Variants in FAAH observed in about 807,000 individuals in gnomAD.
FAAH encodes fatty acid amide hydrolase, also known as fatty-acid amide hydrolase 1.
FAAH carries 63 observed loss-of-function variants against 69.7 expected under a neutral mutation model. The observed-to-expected ratio is 0.90, with a 90% CI of 0.74 to 1.12. The LOEUF is 1.12. FAAH is among the 50% of genes most tolerant of loss of function. The probability of loss-of-function intolerance (pLI) is 0.00; values close to 1 mark genes in which losing one functional copy is unlikely to be tolerated. For synonymous variants in FAAH, 305 were observed against 324.2 expected (o/e 0.94, Z 0.64); for missense variants, 680 against 755.0 (o/e 0.90, Z 1.16).
intron 1 of FAAH, among the ~76,000 whole-genome samples, chr1:46,396,667 T>A (rs1169426231): frequency 1.3e-5 from 2 of 152,206 alleles, no homozygotes; most frequent in Non-Finnish European, 2.9e-5. Flanking sequence ...CAGCCCTAAT[T>A]AAACCTTGAG....
At chr1:46,401,159 TA>T (rs539941972) in intron 1 of FAAH, among the ~76,000 whole-genome samples, 406 of 21,962 alleles carry the variant, frequency 0.018, 4 homozygotes, top group Middle Eastern at 0.18. Flanking sequence ...GTAGGGGGAT[TA>T]GGGGGAGGGG....
chr1:46,410,843 C>G lies in FAAH; in HGVS notation c.1305C>G (p.Asn435Lys). 6.2e-7 allele frequency: 1 copy of G among 1,614,224 alleles called. No individual in the cohort carries two copies. The highest frequency in any genetic ancestry group is 8.5e-7 in the Non-Finnish European group (1 of 1,180,036). ...CAAGGCTGTCAGCTTTCCTCAGCAA[C>G]ATGAAGTCTCGGTAAGGGTTCTTCT... The part of the protein sequence containing the change: ...LLPRLSAFLS[N>K]MKSRSAGKLW... The change falls in exon 11 of 15, where the codon AAC becomes AAG. Residue 435 changes from asparagine (N) to lysine (K), a missense_variant. Asn to Lys is a moderately conservative substitution (Grantham distance 94). Coordinates refer to ENST00000243167, the MANE Select transcript of FAAH (RefSeq NM_001441.3). This position sits in a 1 kb window ranked among gnomAD's most constrained non-coding sequence, Gnocchi z 4.9.
chr1:46,409,246 C>A (rs1204199001), intron 9 of FAAH, 48 bp downstream of exon 9: 1 of 1,445,328 alleles, frequency 6.9e-7, no homozygotes, highest in Non-Finnish European at 9.7e-7. Context: ...GACAAGTAGG[C>A]AGACCTGGGG....
In FAAH at chr1:46,410,583, G is replaced by T; in HGVS notation, c.1275+86G>T. 7.5e-7 allele frequency: 1 copy of T among 1,329,066 alleles called. No homozygotes were observed. Among genetic ancestry groups the T allele is most frequent in the South Asian group, 1.2e-5 (1 of 82,918 alleles). The allele number at this position is 1,329,066 out of a possible 1,614,324, so 82.3% of individuals were successfully genotyped here. A position where few individuals can be genotyped will look rare whatever the true frequency, so the allele number is the denominator to read the frequency against. Reference sequence around the variant, plus strand: ...GCATGATCCCCCATGGCCTCCCTCAGCCTCTCTTGGTTTGGGCAGGCATGG... The same window carrying T: ...GCATGATCCCCCATGGCCTCCCTCATCCTCTCTTGGTTTGGGCAGGCATGG... On this transcript the variant is annotated intron_variant, in intron 10 of 14. Transcript: ENST00000243167. This position sits in a 1 kb window ranked among gnomAD's most constrained non-coding sequence, Gnocchi z 4.9.
At chr1:46,402,520 C>CTT (rs202035068) in intron 2 of FAAH, among the ~76,000 whole-genome samples, 89 of 151,566 alleles carry the variant, frequency 5.9e-4, no homozygotes, top group African/African-American at 1.9e-3. Context: ...CTGTTCCCTT[C>CTT]TTTTTTTTTG....
At position 46,413,567 on chromosome 1, in the gene FAAH, T is replaced by C. The variant is rs1664956029; in HGVS notation, c.1732T>C (p.Ser578Pro). 1 of 1,613,914 alleles carries C rather than the reference T, an allele frequency of 6.2e-7. No homozygotes were observed. Among genetic ancestry groups the C allele is most frequent in the South Asian group, 1.1e-5 (1 of 91,084 alleles). ...GCGACTGATGACCCCTGAAAAGCAG[T>C]CATCCTGATGGCTCTGGCTCCAGAG... ...VERLMTPEKQ[S>P]S is the part of the protein sequence containing the mutation. The change falls in exon 15 of 15, where the codon TCA becomes CCA. Residue 578 changes from serine to proline, a missense_variant. Transcript: ENST00000243167.
intron 7 of FAAH, among the ~76,000 whole-genome samples, chr1:46,407,568 T>A (rs1050308681): frequency 6.6e-6 from 1 of 151,908 alleles, no homozygotes; most frequent in African/African-American, 2.4e-5. Flanking sequence ...CTCTCTTGAG[T>A]GTTCTGGTTG....
chr1:46,410,189 T>C lies in FAAH; in HGVS notation c.1176-209T>C, dbSNP rs1664885443. The stretch of plus-strand genomic sequence containing the variant: ...GGAGAGGGATACCCTGAGTCCTGCC[T>C]TGGGGAGCTCCCGTGGATGTGGGTT... On this transcript the variant is annotated intron_variant, in intron 9 of 14. Coordinates refer to ENST00000243167, the MANE Select transcript of FAAH (RefSeq NM_001441.3). This position sits in a 1 kb window ranked among gnomAD's most constrained non-coding sequence, Gnocchi z 4.9. The C allele has an allele frequency of 4.8e-6, 3 of 622,762 alleles. No individual in the cohort carries two copies. The highest frequency in any genetic ancestry group is 5.7e-5 in the East Asian group (2 of 35,270). The allele number at this position is 622,762 out of a possible 1,614,324, so 38.6% of individuals were successfully genotyped here. A position where few individuals can be genotyped will look rare whatever the true frequency, so the allele number is the denominator to read the frequency against.
rs762798256 is a variant in FAAH, at chr1:46,405,623, T to G, written c.614T>G (p.Val205Gly). The G allele has an allele frequency of 6.2e-7, 1 of 1,613,516 alleles. No individual in the cohort carries two copies. The highest frequency in any genetic ancestry group is 1.1e-5 in the South Asian group (1 of 91,084). The change falls in exon 5 of 15, where the codon GTG becomes GGG. Residue 205 changes from valine to glycine, a missense_variant. Val to Gly is a moderately radical substitution (Grantham distance 109, BLOSUM62 -3). Coordinates refer to ENST00000243167, the MANE Select transcript of FAAH (RefSeq NM_001441.3). The surrounding 1 kb of genome is among the most constrained non-coding windows in gnomAD (Gnocchi z 4.1). The stretch of plus-strand genomic sequence containing the variant: ...AGTAACCCCCTCTTTGGCCAGACCG[T>G]GAACCCATGGAAGTCCTCCAAAAGC... ...DCSNPLFGQT[V>G]NPWKSSKSPG...
In FAAH at chr1:46,410,366, G is replaced by A; in HGVS notation, c.1176-32G>A. On this transcript the variant is annotated intron_variant, in intron 9 of 14. Transcript: ENST00000243167. The surrounding 1 kb of genome is among the most constrained non-coding windows in gnomAD (Gnocchi z 4.9). ...GCAAGCTGGGAAGGATGTGGGGATGGGAGTGCCTGGACCGAGCATTTTGTT... is the reference window on the plus strand; with the variant it reads ...GCAAGCTGGGAAGGATGTGGGGATGAGAGTGCCTGGACCGAGCATTTTGTT... 6.4e-7 allele frequency: 1 copy of A among 1,566,878 alleles called. No individual in the cohort carries two copies. The highest frequency in any genetic ancestry group is 8.8e-7 in the Non-Finnish European group (1 of 1,136,956).
chr1:46,397,469 T>C (rs1664616243), intron 1 of FAAH, among the ~76,000 whole-genome samples: 1 of 152,144 alleles, frequency 6.6e-6, no homozygotes, highest in Non-Finnish European at 1.5e-5. Flanking sequence ...CCAGTGATTG[T>C]GGTTTTGAGT....
chr1:46,411,567 G>C lies in FAAH; in HGVS notation c.1317-45G>C. The C allele has an allele frequency of 6.2e-7, 1 of 1,611,408 alleles. No individual in the cohort carries two copies. Among genetic ancestry groups the C allele is most frequent in the Non-Finnish European group, 8.5e-7 (1 of 1,178,100 alleles). The stretch of plus-strand genomic sequence containing the variant: ...TAGGGGTCTGATGTTGCTGATCTCC[G>C]TGGCTGTGACCATCATGGCTGGTGA... On this transcript the variant is annotated intron_variant, in intron 11 of 14. Transcript: ENST00000243167. The surrounding 1 kb of genome is among the most constrained non-coding windows in gnomAD (Gnocchi z 4.8).
Position 46,410,971 on chromosome 1 carries a change from C to T in FAAH, c.1316+117C>T, listed in dbSNP as rs983571183. The T allele has an allele frequency of 3.4e-5, 45 of 1,323,854 alleles. 1 individual carries two copies. Among genetic ancestry groups the T allele is most frequent in the South Asian group, 1.7e-4 (14 of 83,420 alleles). The allele number at this position is 1,323,854 out of a possible 1,614,324, so 82.0% of individuals were successfully genotyped here. A position where few individuals can be genotyped will look rare whatever the true frequency, so the allele number is the denominator to read the frequency against. ...AAGTAGCCTCTGAGGCTGGAAGTGG[C>T]CCAGGCAGGGGGGCAACCTTTGTGG... On this transcript the variant is annotated intron_variant, in intron 11 of 14. Transcript: ENST00000243167. The surrounding 1 kb of genome is among the most constrained non-coding windows in gnomAD (Gnocchi z 4.9).
chr1:46,408,650 A>G (rs1052423786), intron 8 of FAAH, 66 bp downstream of exon 8: 12 of 1,610,198 alleles, frequency 7.5e-6, no homozygotes, highest in Non-Finnish European at 9.3e-6. Context: ...CCTGGTACCC[A>G]TGGCTACTCC....
In FAAH at chr1:46,410,306, C is replaced by T; in HGVS notation, c.1176-92C>T. ...GGTGAGGAGGAGGTGGACAGGATCCCTGCATAGAGAATGGGATTGCTGTGG... is the reference window on the plus strand; with the variant it reads ...GGTGAGGAGGAGGTGGACAGGATCCTTGCATAGAGAATGGGATTGCTGTGG... On this transcript the variant is annotated intron_variant, in intron 9 of 14. Transcript: ENST00000243167. This position sits in a 1 kb window ranked among gnomAD's most constrained non-coding sequence, Gnocchi z 4.9. 1.0e-6 allele frequency: 1 copy of T among 963,580 alleles called. No individual in the cohort carries two copies. Among genetic ancestry groups the T allele is most frequent in the South Asian group, 1.3e-5 (1 of 76,880 alleles). 59.7% of individuals were successfully genotyped at this position (963,580 alleles called of 1,614,324 possible).
At chr1:46,394,985 G>A (rs1207952781) in intron 1 of FAAH, among the ~76,000 whole-genome samples, 1 of 152,152 alleles carries the variant, frequency 6.6e-6, no homozygotes, top group African/African-American at 2.4e-5. Context: ...TGACTCCCAG[G>A]CAAGAGTGCA....
rs540018627 is a variant in FAAH, at chr1:46,408,374, G to T, written c.952-85G>T. On this transcript the variant is annotated intron_variant, in intron 7 of 14. Transcript: ENST00000243167. ...CTGCAGCCTCGCAGCTGTGTCTGGG[G>T]CTGAGTAGTTTCTCTGATCTCTAGG... 1.9e-6 allele frequency: 3 copies of T among 1,588,578 alleles called. No individual in the cohort carries two copies. The South Asian group carries it at 3.3e-5, about 18-fold the overall frequency.
intron 13 of FAAH, among the ~76,000 whole-genome samples, chr1:46,412,710 C>T (rs1441724222): frequency 6.6e-6 from 1 of 152,052 alleles, no homozygotes; most frequent in Non-Finnish European, 1.5e-5. Flanking sequence ...ACTCGGGGGG[C>T]TGAGGCAGGA....
At position 46,410,208 on chromosome 1, in the gene FAAH, G is replaced by A. The variant is rs890350790; in HGVS notation, c.1176-190G>A. 4.5e-6 allele frequency: 3 copies of A among 670,920 alleles called. No individual in the cohort carries two copies. The highest frequency in any genetic ancestry group is 4.3e-5 in the Admixed American group (2 of 46,316). 41.6% of individuals were successfully genotyped at this position (670,920 alleles called of 1,614,324 possible). On this transcript the variant is annotated intron_variant, in intron 9 of 14. Coordinates refer to ENST00000243167, the MANE Select transcript of FAAH (RefSeq NM_001441.3). This position sits in a 1 kb window ranked among gnomAD's most constrained non-coding sequence, Gnocchi z 4.9. ...CCTGCCTTGGGGAGCTCCCGTGGAT[G>A]TGGGTTGCAGCCCAGGCATCCCAAA... is the stretch of plus-strand genomic sequence containing the variant.
Sources: gnomAD v4.1 joint callset for allele counts (sites outside exome capture counted in the v4.1 genomes callset) on GRCh38, gnomAD v4.1.1 for gene constraint, Gnocchi (gnomAD v3.1) non-coding constraint, MANE v1.5 for transcripts, NCBI Gene and HGNC (gene_info 2026-07-23, HGNC 2026-07-21) for gene names.